TRH: variants seen among roughly 807,000 people sequenced by gnomAD.
The protein encoded by TRH is thyrotropin releasing hormone, also known as TSH-releasing factor.
In TRH, 5 loss-of-function variants were observed where a neutral mutation model predicts 5.2. The ratio of observed to expected loss-of-function variants is 0.95; its 90% confidence interval spans 0.50 to 2.00. TRH has a LOEUF of 2.00. Among genes scored for constraint, TRH ranks in the 30% most tolerant of loss-of-function variants. The probability of loss-of-function intolerance (pLI) is 0.01; values close to 1 mark genes in which losing one functional copy is unlikely to be tolerated. For missense variants in TRH, 318 were observed against 312.8 expected, an observed-to-expected ratio of 1.02 and a Z score of -0.13; for synonymous variants, 131 against 128.6, an observed-to-expected ratio of 1.02 and a Z score of -0.13.
In TRH at chr3:129,975,832, T is replaced by G. The variant is rs1319071521; in HGVS notation, c.16T>G (p.Leu6Val). The G allele has an allele frequency of 1.1e-5, 18 of 1,609,356 alleles. No individual in the cohort carries two copies. Among genetic ancestry groups the G allele is most frequent in the Non-Finnish European group, 1.5e-5 (18 of 1,179,042 alleles). Reference sequence around the variant, plus strand: ...AGACGCCGCGATGCCCGGCCCTTGGTTGCTGCTCGCTCTGGCTTTGACCCT... The same window carrying G: ...AGACGCCGCGATGCCCGGCCCTTGGGTGCTGCTCGCTCTGGCTTTGACCCT... MPGPW[L>V]LLALALTLNL... Residue 6 changes from leucine to valine, a missense_variant, in exon 2 of 3, where the codon TTG (leucine) becomes GTG (valine). Physicochemically the swap from Leu to Val is conservative, Grantham distance 32. Transcript: ENST00000302649.
rs1466331174 is a variant in TRH, at chr3:129,974,816, C to T, written c.-16C>T. 6.6e-6 allele frequency: 1 copy of T among 152,432 alleles called. No individual in the cohort carries two copies. The highest frequency in any genetic ancestry group is 2.4e-5 in the African/African-American group (1 of 41,474). 9.4% of individuals were successfully genotyped at this position (152,432 alleles called of 1,614,324 possible). ...CCGGACCCATCCTGTGGAGCCCACT[C>T]CTGGCAGGTAACCGCCCCAACCCCT... On this transcript the variant is annotated 5_prime_UTR_variant, in exon 1 of 3. Transcript: ENST00000302649.
intron 2 of TRH, 67 bp from the exon 3 acceptor site, chr3:129,976,632 G>C (rs2062545204): frequency 2.0e-6 from 3 of 1,520,650 alleles, no homozygotes; most frequent in East Asian, 2.3e-5. Context: ...AAAAGCAGGA[G>C]TGGGCACTCA....
Position 129,977,510 on chromosome 3 carries a change from T to G in TRH, c.*294T>G. On this transcript the variant is annotated 3_prime_UTR_variant, in exon 3 of 3. Coordinates refer to ENST00000302649, the MANE Select transcript of TRH (RefSeq NM_007117.5). ...CCCCACCACAGGCCTGCTCCTTCCT[T>G]AGCCTTGGCTAAGATGGTCCTTCTG... is the stretch of plus-strand genomic sequence containing the variant. 6.2e-5 allele frequency: 15 copies of G among 242,714 alleles called. No individual in the cohort carries two copies. Among genetic ancestry groups the G allele is most frequent in the East Asian group, 2.3e-4 (3 of 12,868 alleles). The allele number at this position is 242,714 out of a possible 1,614,324, so 15.0% of individuals were successfully genotyped here.
chr3:129,974,878 G>A (rs1473472262), intron 1 of TRH, 55 bp downstream of exon 1: 1 of 152,426 alleles, frequency 6.6e-6, no homozygotes, highest in Non-Finnish European at 1.5e-5. Flanking sequence ...CACTGGAAAG[G>A]GAGCCCTCTC....
At position 129,974,783 on chromosome 3, in the gene TRH, C is replaced by T. The variant is rs2062532446; in HGVS notation, c.-49C>T. The T allele has an allele frequency of 6.6e-6, 1 of 152,252 alleles. No individual in the cohort carries two copies. Among genetic ancestry groups the T allele is most frequent in the African/African-American group, 2.4e-5 (1 of 41,454 alleles). The allele number at this position is 152,252 out of a possible 1,614,324, so 9.4% of individuals were successfully genotyped here. Reference sequence around the variant, plus strand: ...ACCTGCCGACTGCGGATCCCGAGTCCCCGGATCCCGGACCCATCCTGTGGA... The same window carrying T: ...ACCTGCCGACTGCGGATCCCGAGTCTCCGGATCCCGGACCCATCCTGTGGA... On this transcript the variant is annotated 5_prime_UTR_variant, in exon 1 of 3. Coordinates refer to ENST00000302649, the MANE Select transcript of TRH (RefSeq NM_007117.5).
Position 129,974,726 on chromosome 3 carries a change from G to C in TRH, c.-106G>C, listed in dbSNP as rs5655. ...GGCCCATCTGAAGAGGGCTCGGCAG[G>C]CGCCCGGGGTCCTCAGCGCTGCAGA... On this transcript the variant is annotated 5_prime_UTR_variant, in exon 1 of 3. Coordinates refer to ENST00000302649, the MANE Select transcript of TRH (RefSeq NM_007117.5). 69 of 152,316 alleles carry C rather than the reference G, an allele frequency of 4.5e-4. No individual in the cohort carries two copies. The highest frequency in any genetic ancestry group is 1.6e-3 in the African/African-American group (67 of 41,570). The allele number at this position is 152,316 out of a possible 1,614,324, so 9.4% of individuals were successfully genotyped here.
Position 129,977,461 on chromosome 3 carries a change from A to G in TRH, c.*245A>G, listed in dbSNP as rs2062552695. The stretch of plus-strand genomic sequence containing the variant: ...CACTTAGCACCATAGGCAAGGGGGC[A>G]GATCCCAGAGCCCCTCTCACCCCCC... On this transcript the variant is annotated 3_prime_UTR_variant, in exon 3 of 3. Coordinates refer to ENST00000302649, the MANE Select transcript of TRH (RefSeq NM_007117.5). 2.6e-6 allele frequency: 1 copy of G among 383,112 alleles called. No individual in the cohort carries two copies. The highest frequency in any genetic ancestry group is 2.1e-5 in the African/African-American group (1 of 48,748). 23.7% of individuals were successfully genotyped at this position (383,112 alleles called of 1,614,324 possible).
chr3:129,976,561 G>C, intron 2 of TRH, 138 bp from the exon 3 acceptor site: 1 of 969,608 alleles, frequency 1.0e-6, no homozygotes. Context: ...TGAGGCCTGA[G>C]GGGCAGGTGC....
chr3:129,975,117 G>T (rs1054886512), intron 1 of TRH, among the ~76,000 whole-genome samples: 1 of 152,194 alleles, frequency 6.6e-6, no homozygotes, highest in African/African-American at 2.4e-5. Flanking sequence ...CCGCCGGACA[G>T]AGCTGGGTAT....
At position 129,976,078 on chromosome 3, in the gene TRH, C is replaced by T. The variant is rs761616874; in HGVS notation, c.211+51C>T. On this transcript the variant is annotated intron_variant, in intron 2 of 2. Coordinates refer to ENST00000302649, the MANE Select transcript of TRH (RefSeq NM_007117.5). ...TGTGGGGCTAGGCTATTGGGAGAGC[C>T]GTGGAAACCTGCCGGCAAAGGGGAG... 1.0e-5 allele frequency: 16 copies of T among 1,580,978 alleles called. No individual in the cohort carries two copies. In the East Asian group the frequency reaches 1.1e-4, roughly 11 times the overall value.
At position 129,975,876 on chromosome 3, in the gene TRH, C is replaced by G. The variant is rs5659; in HGVS notation, c.60C>G (p.Pro20=). Residue 20 remains proline, a synonymous_variant, in exon 2 of 3, where the codon CCC becomes CCG. Transcript: ENST00000302649. ...TGACCCTGAACCTGACCGGTGTCCC[C>G]GGCGGCCGTGCTCAGCCAGAGGCGG... is the stretch of plus-strand genomic sequence containing the variant. ...LALTLNLTGV[P]GGRAQPEAAQ... is the part of the protein sequence containing the mutation. 3.2e-4 allele frequency: 516 copies of G among 1,612,784 alleles called. No individual in the cohort carries two copies. In the African/African-American group the frequency reaches 6.5e-3, roughly 20 times the overall value.
rs377176534 is a variant in TRH, at chr3:129,975,529, C to A, written c.-8-280C>A. On this transcript the variant is annotated intron_variant, in intron 1 of 2. Coordinates refer to ENST00000302649, the MANE Select transcript of TRH (RefSeq NM_007117.5). ...GCGTCACATTGAAGGGTGGCGGTGG[C>A]GCTGGCGATGGGGTTCCTACGGCCT... is the stretch of plus-strand genomic sequence containing the variant. Among the ~76,000 whole-genome samples the A allele has an allele frequency of 8.5e-5, 13 of 152,232 alleles. No individual in the cohort carries two copies. In the East Asian group the frequency reaches 2.5e-3, roughly 29 times the overall value.
chr3:129,976,120 T>C (rs1407207738), intron 2 of TRH, 93 bp downstream of exon 2: 3 of 1,434,996 alleles, frequency 2.1e-6, no homozygotes, highest in Non-Finnish European at 2.8e-6. Flanking sequence ...CTTGGTCAGC[T>C]AGCCTTCTGC....
At chr3:129,975,400 T>C (rs1286103940) in intron 1 of TRH, among the ~76,000 whole-genome samples, 1 of 151,118 alleles carries the variant, frequency 6.6e-6, no homozygotes, top group Non-Finnish European at 1.5e-5. Context: ...TTTGGGGGAG[T>C]CTTGGCGGGG....
In TRH at chr3:129,977,502, T is replaced by G; in HGVS notation, c.*286T>G. 1.1e-5 allele frequency: 3 copies of G among 282,552 alleles called. No individual in the cohort carries two copies. The highest frequency in any genetic ancestry group is 1.0e-3 in the Middle Eastern group (1 of 972). The allele number at this position is 282,552 out of a possible 1,614,324, so 17.5% of individuals were successfully genotyped here. On this transcript the variant is annotated 3_prime_UTR_variant, in exon 3 of 3. Coordinates refer to ENST00000302649, the MANE Select transcript of TRH (RefSeq NM_007117.5). ...CTCACCCCCCCCACCACAGGCCTGC[T>G]CCTTCCTTAGCCTTGGCTAAGATGG...
At chr3:129,976,094 C>A in intron 2 of TRH, 67 bp downstream of exon 2, 1 of 1,534,250 alleles carries the variant, frequency 6.5e-7, no homozygotes, top group Non-Finnish European at 8.9e-7. Flanking sequence ...AACCTGCCGG[C>A]AAAGGGGAGG....
At chr3:129,975,041 T>C (rs906206829) in intron 1 of TRH, among the ~76,000 whole-genome samples, 1 of 152,090 alleles carries the variant, frequency 6.6e-6, no homozygotes, top group Non-Finnish European at 1.5e-5. Flanking sequence ...CTCTCGCTGC[T>C]GGGCACTCAG....
In TRH at chr3:129,977,158, A is replaced by G; in HGVS notation, c.671A>G (p.Glu224Gly). ...DDLSRSQGAE[E>G]KRQHPGRRAA... is the part of the protein sequence containing the mutation. ...CTGAGTAGGAGCCAGGGAGCTGAGG[A>G]AAAGCGGCAGCACCCTGGTCGGCGG... The change falls in exon 3 of 3, where the codon GAA becomes GGA. Residue 224 changes from glutamate to glycine, a missense_variant. Coordinates refer to ENST00000302649, the MANE Select transcript of TRH (RefSeq NM_007117.5). The G allele has an allele frequency of 1.3e-6, 2 of 1,523,672 alleles. No individual in the cohort carries two copies. The highest frequency in any genetic ancestry group is 1.8e-6 in the Non-Finnish European group (2 of 1,138,582). The allele number at this position is 1,523,672 out of a possible 1,614,324, so 94.4% of individuals were successfully genotyped here.
rs917024913 is a variant in TRH at position 129,977,861 on chromosome 3, G to A, written c.*645G>A. 6.6e-6 allele frequency: 1 copy of A among 152,366 alleles called. No homozygotes were observed. Among genetic ancestry groups the A allele is most frequent in the Non-Finnish European group, 1.5e-5 (1 of 68,110 alleles). The allele number at this position is 152,366 out of a possible 1,614,324, so 9.4% of individuals were successfully genotyped here. A position where few individuals can be genotyped will look rare whatever the true frequency, so the allele number is the denominator to read the frequency against. ...AAACATCGCCTAGGAATTGTGGTTT[G>A]TATATAACCCTCTAAGCCCCTATCC... On this transcript the variant is annotated 3_prime_UTR_variant, in exon 3 of 3. Transcript: ENST00000302649.
Sources: allele counts gnomAD v4.1 joint callset (sites outside exome capture counted in the v4.1 genomes callset), GRCh38; gene constraint gnomAD v4.1.1; transcripts MANE v1.5; gene names NCBI Gene and HGNC (gene_info 2026-07-23, HGNC 2026-07-21).